The following DLGAP1 variants were observed in gnomAD, a reference collection of about 807,000 sequenced individuals.
DLGAP1 encodes disks large-associated protein 1.
In DLGAP1, 11 loss-of-function variants were observed where a neutral mutation model predicts 90.8. That is an observed-to-expected ratio of 0.12 (90% CI 0.08 to 0.20). The LOEUF is 0.20. Among genes scored for constraint, DLGAP1 ranks in the 10% least tolerant of loss-of-function variants. The pLI, the probability that DLGAP1 is intolerant of heterozygous loss-of-function variation, is 1.00. For missense variants in DLGAP1, 1,050 were observed against 1,333.8 expected, an observed-to-expected ratio of 0.79 and a Z score of 3.31; for synonymous variants, 558 against 540.7, an observed-to-expected ratio of 1.03 and a Z score of -0.44.
intron 1 of DLGAP1, among the ~76,000 whole-genome samples, chr18:4,235,759 T>A (rs1568464636): frequency 8.1e-6 from 1 of 123,282 alleles, no homozygotes; most frequent in Non-Finnish European, 1.6e-5. Context: ...GGAGTCTCAC[T>A]CTGTTGCCCA....
chr18:3,542,979 G>A (rs951324186), intron 9 of DLGAP1, among the ~76,000 whole-genome samples: 2 of 152,164 alleles, frequency 1.3e-5, no homozygotes, highest in African/African-American at 4.8e-5. Flanking sequence ...TCAACTAGGA[G>A]TCTCTATCTA....
chr18:3,938,211 C>A (rs1013766687), intron 3 of DLGAP1, among the ~76,000 whole-genome samples: 1 of 152,150 alleles, frequency 6.6e-6, no homozygotes, highest in Non-Finnish European at 1.5e-5. Context: ...TTAAAAACTC[C>A]CTGTCCTTTT....
intron 7 of DLGAP1, among the ~76,000 whole-genome samples, chr18:3,635,179 G>A (rs569614081): frequency 6.7e-6 from 1 of 150,082 alleles, no homozygotes; most frequent in African/African-American, 2.5e-5. Context: ...CACCCAGGCT[G>A]GAGTGCAGTG....
intron 5 of DLGAP1, among the ~76,000 whole-genome samples, chr18:3,764,787 G>T (rs16945376): frequency 0.019 from 2,877 of 152,202 alleles, 47 homozygotes; most frequent in Middle Eastern, 0.085. Context: ...AATCATATCT[G>T]GGTTCCTTCA....
chr18:4,020,154 G>A (rs1334618276), intron 2 of DLGAP1, among the ~76,000 whole-genome samples: 1 of 152,098 alleles, frequency 6.6e-6, no homozygotes. Flanking sequence ...GACTGTAAAT[G>A]TTTCTCACCA....
intron 3 of DLGAP1, among the ~76,000 whole-genome samples, chr18:3,937,066 GGGCACGCCCT>G (rs2072657774): frequency 6.6e-6 from 1 of 152,200 alleles, no homozygotes; most frequent in Admixed American, 6.5e-5. Flanking sequence ...GCTGAAACAT[GGGCACGCCCT>G]GGAGAGGCCA....
intron 8 of DLGAP1, among the ~76,000 whole-genome samples, chr18:3,579,048 A>T (rs929045977): frequency 6.6e-6 from 1 of 151,944 alleles, no homozygotes; most frequent in African/African-American, 2.4e-5. Context: ...TGAAAATAAT[A>T]ATTATTATTA....
At chr18:3,890,436 G>A (rs916586289) in intron 3 of DLGAP1, among the ~76,000 whole-genome samples, 9 of 152,172 alleles carry the variant, frequency 5.9e-5, no homozygotes, top group African/African-American at 2.2e-4. Flanking sequence ...AATAGTTGCT[G>A]TTAATGGGAA....
intron 1 of DLGAP1, among the ~76,000 whole-genome samples, chr18:4,428,400 G>A (rs1452484286): frequency 2.0e-5 from 3 of 152,072 alleles, no homozygotes; most frequent in South Asian, 2.1e-4. Context: ...TGGCCTACAC[G>A]GCAAAACCCC....
At chr18:3,753,551 G>C (rs1346179143) in intron 5 of DLGAP1, among the ~76,000 whole-genome samples, 1 of 152,178 alleles carries the variant, frequency 6.6e-6, no homozygotes, top group East Asian at 1.9e-4. Context: ...GAAAAGTTCT[G>C]ATATATTGCT....
intron 8 of DLGAP1, among the ~76,000 whole-genome samples, chr18:3,570,695 G>A (rs1349850438): frequency 6.6e-6 from 1 of 151,806 alleles, no homozygotes; most frequent in African/African-American, 2.4e-5. Context: ...TTGGGAGGCC[G>A]AGGTGAGAGG....
chr18:3,572,845 T>C (rs2054892568), intron 8 of DLGAP1, among the ~76,000 whole-genome samples: 1 of 152,222 alleles, frequency 6.6e-6, no homozygotes, highest in African/African-American at 2.4e-5. Context: ...ATCTATCTGA[T>C]ACCAAACTTT....
At chr18:4,411,515 G>A (rs868238595) in intron 1 of DLGAP1, among the ~76,000 whole-genome samples, 4 of 152,238 alleles carry the variant, frequency 2.6e-5, no homozygotes, top group South Asian at 2.1e-4. Context: ...AGATCAGAGC[G>A]AGTCAATTTC....
intron 8 of DLGAP1, among the ~76,000 whole-genome samples, chr18:3,573,294 G>C (rs907186096): frequency 2.0e-5 from 3 of 152,112 alleles, no homozygotes; most frequent in Non-Finnish European, 4.4e-5. Flanking sequence ...CTGAGGTCAG[G>C]AGTTTGAGAC....
intron 4 of DLGAP1, among the ~76,000 whole-genome samples, chr18:3,870,081 T>A (rs953748279): frequency 4.6e-5 from 7 of 152,156 alleles, no homozygotes; most frequent in African/African-American, 1.7e-4. Context: ...GTAAATACAA[T>A]GAGAAATTAA....
chr18:3,569,401 TAGG>T (rs1385358947), intron 8 of DLGAP1, among the ~76,000 whole-genome samples: 4 of 151,994 alleles, frequency 2.6e-5, no homozygotes, highest in Non-Finnish European at 5.9e-5. Flanking sequence ...TTCTTAATCA[TAGG>T]ATCTCTTTAT....
intron 3 of DLGAP1, among the ~76,000 whole-genome samples, chr18:3,950,528 A>G (rs953833193): frequency 6.6e-6 from 1 of 152,190 alleles, no homozygotes; most frequent in African/African-American, 2.4e-5. Flanking sequence ...ACTGTTTCCA[A>G]TGTTGCTTAT....
intron 2 of DLGAP1, among the ~76,000 whole-genome samples, chr18:4,083,127 G>C (rs1439936319): frequency 6.6e-6 from 1 of 152,164 alleles, no homozygotes; most frequent in Non-Finnish European, 1.5e-5. Context: ...ACTATTGGTA[G>C]GGGGTAGAGT....
chr18:4,399,712 T>C (rs529971812), intron 1 of DLGAP1, among the ~76,000 whole-genome samples: 1 of 152,214 alleles, frequency 6.6e-6, no homozygotes, highest in Non-Finnish European at 1.5e-5. Flanking sequence ...GAGGCTGGCT[T>C]TCTCCAGAGA....
Sources: allele counts gnomAD v4.1 joint callset (sites outside exome capture counted in the v4.1 genomes callset), GRCh38; gene constraint gnomAD v4.1.1; transcripts MANE v1.5; gene names NCBI Gene and HGNC (gene_info 2026-07-23, HGNC 2026-07-21).